TRIM36: variants seen among roughly 807,000 people sequenced by gnomAD.
The protein encoded by TRIM36 is E3 ubiquitin-protein ligase TRIM36.
TRIM36 carries 42 observed loss-of-function variants against 72.4 expected under a neutral mutation model. That is an observed-to-expected ratio of 0.58 (90% CI 0.45 to 0.75). TRIM36 has a LOEUF of 0.75. TRIM36 is among the 30% of genes least tolerant of loss of function. TRIM36 has a pLI of 0.00. For missense variants in TRIM36, 913 were observed against 857.1 expected (o/e 1.07, Z -0.81); for synonymous variants, 315 against 282.8 (o/e 1.11, Z -1.14).
At chr5:115,149,696 A>C (rs577022091) in intron 2 of TRIM36, 27 of 148,560 alleles carry the variant, frequency 1.8e-4, no homozygotes, top group Admixed American at 1.0e-3. Flanking sequence ...ACATTAAATT[A>C]AGACATGTAA....
upstream of TRIM36, among the ~76,000 whole-genome samples, chr5:115,170,117 G>T (rs887656229): frequency 2.6e-5 from 4 of 152,214 alleles, no homozygotes; most frequent in African/African-American, 9.6e-5. Context: ...GCCCTCCGCC[G>T]CCACCTTCCC....
At chr5:115,146,871 C>T (rs1463002338) in intron 3 of TRIM36, among the ~76,000 whole-genome samples, 198 bp downstream of exon 3, 3 of 152,082 alleles carry the variant, frequency 2.0e-5, no homozygotes, top group Admixed American at 2.0e-4. Context: ...CACAATATTG[C>T]CCTCCTTTGG....
At chr5:115,156,091 G>A (rs1157140247) in intron 2 of TRIM36, among the ~76,000 whole-genome samples, 1 of 151,968 alleles carries the variant, frequency 6.6e-6, no homozygotes, top group Admixed American at 6.6e-5. Context: ...AAAAACTTAG[G>A]AATATACTCA....
chr5:115,156,716 A>G (rs1371527141), intron 2 of TRIM36, among the ~76,000 whole-genome samples: 2 of 152,266 alleles, frequency 1.3e-5, no homozygotes, highest in Non-Finnish European at 2.9e-5. Flanking sequence ...TAAAAATTCT[A>G]GAAGATAACA....
At chr5:115,130,157 T>C (rs74392938) in intron 9 of TRIM36, among the ~76,000 whole-genome samples, 2,465 of 152,280 alleles carry the variant, frequency 0.016, 71 homozygotes, top group African/African-American at 0.056. Context: ...ACTGGAAGTC[T>C]TTGCTGCGGA....
intron 2 of TRIM36, among the ~76,000 whole-genome samples, chr5:115,151,924 G>A (rs1309648284): frequency 1.3e-5 from 2 of 152,116 alleles, no homozygotes; most frequent in Non-Finnish European, 2.9e-5. Flanking sequence ...CTACCGAAAT[G>A]GGAAGGAACT....
chr5:115,170,546 C>A (rs1376329097), upstream of TRIM36, among the ~76,000 whole-genome samples: 5 of 152,210 alleles, frequency 3.3e-5, no homozygotes, highest in Admixed American at 6.5e-5. Context: ...CTGGCCCCGC[C>A]CGGCTTGTCC....
intron 1 of TRIM36, among the ~76,000 whole-genome samples, chr5:115,163,958 T>C (rs529119405): frequency 2.6e-5 from 4 of 152,008 alleles, no homozygotes; most frequent in Non-Finnish European, 2.9e-5. Context: ...GAACATGAGA[T>C]AGTAAAAGGC....
intron 2 of TRIM36, among the ~76,000 whole-genome samples, chr5:115,151,378 C>T (rs1248441029): frequency 6.6e-6 from 1 of 152,206 alleles, no homozygotes; most frequent in Non-Finnish European, 1.5e-5. Flanking sequence ...GCAGCAAGAG[C>T]TGCTCAAGGA....
intron 2 of TRIM36, among the ~76,000 whole-genome samples, chr5:115,155,474 G>C (rs1462975745): frequency 1.3e-5 from 2 of 152,218 alleles, no homozygotes; most frequent in African/African-American, 4.8e-5. Flanking sequence ...CCATGATCAA[G>C]TGGGTTTCAT....
At chr5:115,129,782 TA>T (rs1752550941) in intron 9 of TRIM36, among the ~76,000 whole-genome samples, 1 of 152,184 alleles carries the variant, frequency 6.6e-6, no homozygotes, top group South Asian at 2.1e-4. Context: ...AAAACTTATA[TA>T]AAATTTTGAA....
intron 4 of TRIM36, among the ~76,000 whole-genome samples, chr5:115,142,201 A>G (rs1172092970): frequency 6.6e-6 from 1 of 152,142 alleles, no homozygotes; most frequent in Non-Finnish European, 1.5e-5. Context: ...ACCACCGATG[A>G]CTTGAAACGA....
At chr5:115,173,572 G>A (rs997536144), upstream of TRIM36, among the ~76,000 whole-genome samples, 1 of 152,104 alleles carries the variant, frequency 6.6e-6, no homozygotes, top group Non-Finnish European at 1.5e-5. Context: ...AAGAGCAGGA[G>A]TTAGAGGGTG....
At chr5:115,138,714 C>T (rs1196790443) in intron 5 of TRIM36, among the ~76,000 whole-genome samples, 1 of 152,140 alleles carries the variant, frequency 6.6e-6, no homozygotes, top group Non-Finnish European at 1.5e-5. Flanking sequence ...ATTCTGAATT[C>T]CTATAAAATC....
At chr5:115,141,727 AAT>A (rs1415627132) in intron 4 of TRIM36, among the ~76,000 whole-genome samples, 1 of 152,112 alleles carries the variant, frequency 6.6e-6, no homozygotes, top group Non-Finnish European at 1.5e-5. Flanking sequence ...CAGCAATTCA[AAT>A]AGTTTTGTCT....
At chr5:115,132,828 A>G (rs1041984625) in intron 8 of TRIM36, among the ~76,000 whole-genome samples, 3 of 152,212 alleles carry the variant, frequency 2.0e-5, no homozygotes, top group African/African-American at 7.2e-5. Flanking sequence ...TTCCACTTTC[A>G]GGCAGAAAGA....
chr5:115,178,456 G>A (rs902329136), intron 1 of TRIM36, among the ~76,000 whole-genome samples: 1 of 152,112 alleles, frequency 6.6e-6, no homozygotes. Flanking sequence ...CCCTCCTCTG[G>A]TTGCCTGCCT....
chr5:115,163,662 T>C lies in TRIM36; in HGVS notation c.118A>G (p.Ile40Val). 1 of 1,614,224 alleles carries C rather than the reference T, an allele frequency of 6.2e-7. No homozygotes were observed. Among genetic ancestry groups the C allele is most frequent in the Non-Finnish European group, 8.5e-7 (1 of 1,180,048 alleles). The change falls in exon 2 of 10, where the codon ATC (isoleucine) becomes GTC (valine). Residue 40 changes from isoleucine (I) to valine (V), a missense_variant. Physicochemically the swap from Ile to Val is conservative, Grantham distance 29 (BLOSUM62 3). Transcript: ENST00000513154. ...AGTTCTTTTACACATTTATGACAGATACTATGTTGGCAAGGGAGAATCAAT... is the reference window on the plus strand; with the variant it reads ...AGTTCTTTTACACATTTATGACAGACACTATGTTGGCAAGGGAGAATCAAT... ...HPLILPCQHS[I>V]CHKCVKELLL...
At position 115,137,614 on chromosome 5, in the gene TRIM36, A is replaced by G; in HGVS notation, c.834T>C (p.Cys278=). The G allele has an allele frequency of 6.3e-7, 1 of 1,589,354 alleles. No homozygotes were observed. The highest frequency in any genetic ancestry group is 8.5e-7 in the Non-Finnish European group (1 of 1,170,858). The change falls in exon 6 of 10, where the codon TGT becomes TGC. Residue 278 remains cysteine (C), a splice_region_variant and synonymous_variant. Transcript: ENST00000513154. ...ELNLLMKETE[C]NGERAKEEAI... Reference sequence around the variant, plus strand: ...CTTCTTCTTTAGCCCTCTCTCCATTACACTAAGAAAAAACAGTATCTCCAT... The same window carrying G: ...CTTCTTCTTTAGCCCTCTCTCCATTGCACTAAGAAAAAACAGTATCTCCAT...
Sources: gnomAD v4.1 joint callset for allele counts (sites outside exome capture counted in the v4.1 genomes callset) on GRCh38, gnomAD v4.1.1 for gene constraint, MANE v1.5 for transcripts, NCBI Gene and HGNC (gene_info 2026-07-23, HGNC 2026-07-21) for gene names.